The following CNTNAP2 variants were observed in gnomAD, a reference collection of about 807,000 sequenced individuals.
CNTNAP2 encodes the protein contactin-associated protein-like 2.
CNTNAP2 carries 98 observed loss-of-function variants against 155.2 expected under a neutral mutation model. The observed-to-expected ratio is 0.63, with a 90% confidence interval of 0.54 to 0.75. The LOEUF is 0.75. Among genes scored for constraint, CNTNAP2 ranks in the 30% least tolerant of loss-of-function variants. The pLI is 0.00. For missense variants in CNTNAP2, 1,727 were observed against 1,688.1 expected (o/e 1.02, Z -0.40); for synonymous variants, 651 against 631.2 (o/e 1.03, Z -0.47).
chr7:147,622,076 A>G (rs1794868757), intron 12 of CNTNAP2, among the ~76,000 whole-genome samples: 1 of 152,082 alleles, frequency 6.6e-6, no homozygotes, highest in South Asian at 2.1e-4. Context: ...TCATTTCAGC[A>G]AGAGGATATA....
chr7:146,655,945 A>G (rs1376777555), intron 1 of CNTNAP2, among the ~76,000 whole-genome samples: 1 of 152,208 alleles, frequency 6.6e-6, no homozygotes, highest in Admixed American at 6.5e-5. Context: ...GGAAAAAAAA[A>G]TGGGATAGGT....
chr7:147,508,191 A>G (rs1039135703), intron 11 of CNTNAP2, among the ~76,000 whole-genome samples: 1 of 152,212 alleles, frequency 6.6e-6, no homozygotes, highest in Non-Finnish European at 1.5e-5. Context: ...TGAATGAATG[A>G]TGTCTCTAGA....
At chr7:146,588,795 C>A (rs1798737780) in intron 1 of CNTNAP2, among the ~76,000 whole-genome samples, 1 of 152,126 alleles carries the variant, frequency 6.6e-6, no homozygotes, top group Admixed American at 6.6e-5. Flanking sequence ...AGGTGTGAGC[C>A]ACTGTGCCTG....
intron 1 of CNTNAP2, among the ~76,000 whole-genome samples, chr7:146,405,177 G>T (rs1426692997): frequency 1.3e-5 from 2 of 152,174 alleles, no homozygotes; most frequent in African/African-American, 2.4e-5. Context: ...AATGAGCCTT[G>T]TTGTTGTCCC....
chr7:147,101,340 G>A (rs1377729489), intron 4 of CNTNAP2, among the ~76,000 whole-genome samples: 3 of 152,222 alleles, frequency 2.0e-5, no homozygotes, highest in African/African-American at 4.8e-5. Context: ...CAACAAGGGT[G>A]TGGCTCCATT....
In CNTNAP2 at chr7:147,268,961, A is replaced by C. The variant is rs186532498; in HGVS notation, c.1349-31180A>C. On this transcript the variant is annotated intron_variant, in intron 8 of 23. Transcript: ENST00000361727. ...ACTAAATGGAGTCTTTATTTAATGA[A>C]AAAACCCATAACAAATATTTGGAGC... Among the ~76,000 whole-genome samples the C allele has an allele frequency of 2.3e-3, 351 of 152,304 alleles. 1 individual carries two copies. The highest frequency in any genetic ancestry group is 3.6e-3 in the Non-Finnish European group (247 of 68,034).
At chr7:147,360,466 A>T (rs1036708265) in intron 9 of CNTNAP2, among the ~76,000 whole-genome samples, 4 of 152,106 alleles carry the variant, frequency 2.6e-5, no homozygotes, top group African/African-American at 9.7e-5. Context: ...CTTTAAAGAC[A>T]TGAGATAATT....
intron 1 of CNTNAP2, among the ~76,000 whole-genome samples, chr7:146,449,972 T>C (rs1377315068): frequency 6.6e-6 from 1 of 152,178 alleles, no homozygotes. Flanking sequence ...TAGTTATCAG[T>C]CCACTATTTC....
intron 13 of CNTNAP2, among the ~76,000 whole-genome samples, chr7:147,811,668 C>T (rs993689654): frequency 1.3e-5 from 2 of 152,078 alleles, no homozygotes; most frequent in Non-Finnish European, 2.9e-5. Flanking sequence ...AGCTTGAAAA[C>T]ACTGTATCCA....
intron 1 of CNTNAP2, among the ~76,000 whole-genome samples, chr7:146,449,914 G>T (rs561556081): frequency 1.3e-5 from 2 of 152,188 alleles, no homozygotes; most frequent in East Asian, 3.9e-4. Flanking sequence ...TTTTATTAGT[G>T]ATGTACAATC....
intron 3 of CNTNAP2, among the ~76,000 whole-genome samples, chr7:146,935,376 A>G (rs1399870007): frequency 6.6e-6 from 1 of 152,228 alleles, no homozygotes; most frequent in Non-Finnish European, 1.5e-5. Flanking sequence ...TAGATAAAAT[A>G]TGAAAGCCCA....
intron 14 of CNTNAP2, among the ~76,000 whole-genome samples, chr7:147,967,551 C>G (rs540575035): frequency 1.3e-5 from 2 of 151,466 alleles, no homozygotes; most frequent in African/African-American, 4.9e-5. Context: ...GTCATACAAC[C>G]TACATTAACT....
In CNTNAP2 at chr7:147,108,153, A is replaced by G. The variant is rs2129279522; in HGVS notation, c.557A>G (p.Asp186Gly). 14 of 1,612,986 alleles carry G rather than the reference A, an allele frequency of 8.7e-6. No homozygotes were observed. Among genetic ancestry groups the G allele is most frequent in the Non-Finnish European group, 1.2e-5 (14 of 1,179,556 alleles). The change falls in exon 5 of 24, where the codon GAT becomes GGT. Residue 186 changes from aspartate (D) to glycine (G), a missense_variant. Physicochemically the swap from Asp to Gly is moderately conservative, Grantham distance 94 (BLOSUM62 -1). Transcript: ENST00000361727. ...ATTTTTTTTTTTGTTTTAGGGGCTG[A>G]TGTTATCAACTTTGATGGCCATGTT... ...IEVYGCSYWA[D>G]VINFDGHVVL...
intron 21 of CNTNAP2, among the ~76,000 whole-genome samples, chr7:148,276,106 A>G (rs1408959400): frequency 2.0e-5 from 3 of 152,160 alleles, no homozygotes; most frequent in Non-Finnish European, 2.9e-5. Context: ...CCTGGGACAG[A>G]CCCAAGCTAC....
chr7:148,126,045 C>T lies in CNTNAP2; in HGVS notation c.2554+7757C>T, dbSNP rs529503244. Among the ~76,000 whole-genome samples, 12 of 152,042 alleles carry T rather than the reference C, an allele frequency of 7.9e-5. 1 individual carries two copies. In the South Asian group the frequency reaches 2.5e-3, roughly 32 times the overall value. On this transcript the variant is annotated intron_variant, in intron 16 of 23. Transcript: ENST00000361727. ...TTTGGATAGGATAATATTAGAGGTA[C>T]GAACAATATGCTGTGGTTACTTAGA...
intron 14 of CNTNAP2, among the ~76,000 whole-genome samples, chr7:147,930,764 G>C (rs563968505): frequency 2.6e-5 from 4 of 152,178 alleles, no homozygotes; most frequent in Admixed American, 2.0e-4. Context: ...AACACACACA[G>C]AACATTCTCC....
chr7:146,934,723 A>G (rs1796874080), intron 3 of CNTNAP2, among the ~76,000 whole-genome samples: 1 of 152,212 alleles, frequency 6.6e-6, no homozygotes, highest in African/African-American at 2.4e-5. Context: ...AATGGCAGAC[A>G]TTATTTTCAC....
intron 13 of CNTNAP2, chr7:147,894,229 A>G (rs1016776255): frequency 2.0e-5 from 3 of 152,232 alleles, no homozygotes; most frequent in Admixed American, 6.5e-5. Flanking sequence ...TAAGTGTATC[A>G]TCACCATTCA....
In CNTNAP2 at chr7:148,150,950, G is replaced by A. The variant is rs185127251; in HGVS notation, c.2773+3241G>A. On this transcript the variant is annotated intron_variant, in intron 17 of 23. Coordinates refer to ENST00000361727, the MANE Select transcript of CNTNAP2 (RefSeq NM_014141.6). ...GCCCAGGCTGATCTCAAACTCCTGG[G>A]ATCAAGTGATCCTTCCACCTCAGCC... is the stretch of plus-strand genomic sequence containing the variant. 1.8e-4 allele frequency among the ~76,000 whole-genome samples: 28 copies of A among 152,100 alleles called. 1 individual carries two copies. The highest frequency in any genetic ancestry group is 1.7e-3 in the Admixed American group (26 of 15,284).
Sources: gnomAD v4.1 joint callset for allele counts (sites outside exome capture counted in the v4.1 genomes callset) on GRCh38, gnomAD v4.1.1 for gene constraint, MANE v1.5 for transcripts, NCBI Gene and HGNC (gene_info 2026-07-23, HGNC 2026-07-21) for gene names.